CDK6: variants seen among roughly 807,000 people sequenced by gnomAD.
The protein encoded by CDK6 is cyclin-dependent kinase 6.
In CDK6, 6 loss-of-function variants were observed where a neutral mutation model predicts 37.1. The ratio of observed to expected loss-of-function variants is 0.16; its 90% CI spans 0.09 to 0.32. The LOEUF (loss-of-function observed/expected upper bound fraction) is 0.32. CDK6 is among the 10% of genes least tolerant of loss of function. The probability of loss-of-function intolerance (pLI) is 1.00; values close to 1 mark genes in which losing one functional copy is unlikely to be tolerated. For synonymous variants in CDK6, 160 were observed against 161.3 expected (o/e 0.99, Z 0.06); for missense variants, 224 against 418.9 (o/e 0.53, Z 4.06).
At position 92,703,156 on chromosome 7, in the gene CDK6, A is replaced by C. The variant is rs539647040; in HGVS notation, c.537+22470T>G. Among the ~76,000 whole-genome samples, 6 of 152,196 alleles carry C rather than the reference A, an allele frequency of 3.9e-5. No homozygotes were observed. In the South Asian group the frequency reaches 1.2e-3, roughly 32 times the overall value. On this transcript the variant is annotated intron_variant, in intron 4 of 7. Transcript: ENST00000424848. ...TCTCAAAAATGCCCATGGTCACTCC[A>C]TTGCCACCTGACACGAGAACTGTGA...
At chr7:92,726,352 T>A (rs1460068358) in intron 3 of CDK6, among the ~76,000 whole-genome samples, 3 of 152,194 alleles carry the variant, frequency 2.0e-5, no homozygotes, top group Non-Finnish European at 4.4e-5. Context: ...GTCAAGAAAC[T>A]GATACACAGA....
intron 5 of CDK6, among the ~76,000 whole-genome samples, chr7:92,644,894 C>T (rs1055646499): frequency 6.6e-6 from 1 of 152,190 alleles, no homozygotes; most frequent in African/African-American, 2.4e-5. Flanking sequence ...TGTGAGGCCA[C>T]AGGGTCAGAT....
In CDK6 at chr7:92,607,283, C is replaced by CA. The variant is rs1415714360; in HGVS notation, c.*7856dup. The CA allele has an allele frequency of 4.3e-6, 1 of 233,622 alleles. No individual in the cohort carries two copies. Among genetic ancestry groups the CA allele is most frequent in the African/African-American group, 2.2e-5 (1 of 45,342 alleles). The allele number at this position is 233,622 out of a possible 1,614,324, so 14.5% of individuals were successfully genotyped here. On this transcript the variant is annotated 3_prime_UTR_variant, in exon 8 of 8. Coordinates refer to ENST00000424848, the MANE Select transcript of CDK6 (RefSeq NM_001145306.2). ...CAGACAAGAGGAGGCACCACCCAGG[C>CA]ACTGGTCTCTGCCTGGCATCTATTC...
chr7:92,706,259 C>G (rs183814544), intron 4 of CDK6, among the ~76,000 whole-genome samples: 1 of 152,160 alleles, frequency 6.6e-6, no homozygotes, highest in Non-Finnish European at 1.5e-5. Context: ...TTTTGGCCAG[C>G]GTGGTGGCTC....
At chr7:92,816,946 C>CA (rs976451158) in intron 2 of CDK6, among the ~76,000 whole-genome samples, 2 of 151,546 alleles carry the variant, frequency 1.3e-5, no homozygotes, top group African/African-American at 2.4e-5. Context: ...ACCACCCCCC[C>CA]AAAAAAACCC....
At position 92,728,769 on chromosome 7, in the gene CDK6, T is replaced by C. The variant is rs1335668811; in HGVS notation, c.370-2976A>G. 2.0e-5 allele frequency among the ~76,000 whole-genome samples: 3 copies of C among 152,358 alleles called. No individual in the cohort carries two copies. In the East Asian group the frequency reaches 5.8e-4, roughly 29 times the overall value. The stretch of plus-strand genomic sequence containing the variant: ...ATTTTATTAGGCTACTTAAATTTTT[T>C]TTTTGTTTAGCAAATGGCTTTTCTT... On this transcript the variant is annotated intron_variant, in intron 3 of 7. Transcript: ENST00000424848.
In CDK6 at chr7:92,614,579, G is replaced by C. The variant is rs952764098; in HGVS notation, c.*561C>G. On this transcript the variant is annotated 3_prime_UTR_variant, in exon 8 of 8. Transcript: ENST00000424848. ...TCTAATTTGAGAAGACTATTTTGGT[G>C]AATCACCTTCAGTGAACAAATGCCT... 5.6e-5 allele frequency: 13 copies of C among 233,622 alleles called. No individual in the cohort carries two copies. Among genetic ancestry groups the C allele is most frequent in the Non-Finnish European group, 8.5e-6 (1 of 118,140 alleles). The allele number at this position is 233,622 out of a possible 1,614,324, so 14.5% of individuals were successfully genotyped here.
Position 92,668,682 on chromosome 7 carries a change from A to T in CDK6, c.647+2744T>A, listed in dbSNP as rs965734314. ...TGCTTTAAGAGCCTATGGCTTGTGA[A>T]GTCTCAACTGGGTCAATACTGAATC... On this transcript the variant is annotated intron_variant, in intron 5 of 7. Coordinates refer to ENST00000424848, the MANE Select transcript of CDK6 (RefSeq NM_001145306.2). Among the ~76,000 whole-genome samples, 3 of 152,208 alleles carry T rather than the reference A, an allele frequency of 2.0e-5. No individual in the cohort carries two copies. The South Asian group carries it at 6.2e-4, about 31-fold the overall frequency.
At chr7:92,652,369 A>G (rs1273602557) in intron 5 of CDK6, among the ~76,000 whole-genome samples, 1 of 152,058 alleles carries the variant, frequency 6.6e-6, no homozygotes, top group African/African-American at 2.4e-5. Context: ...TATCTCATTC[A>G]TCTCCCTTTC....
At chr7:92,770,227 A>G (rs1465147531) in intron 3 of CDK6, among the ~76,000 whole-genome samples, 1 of 152,158 alleles carries the variant, frequency 6.6e-6, no homozygotes, top group Non-Finnish European at 1.5e-5. Flanking sequence ...ATTGTCAACC[A>G]AGAATGGATG....
intron 3 of CDK6, among the ~76,000 whole-genome samples, chr7:92,726,121 G>A (rs895112811): frequency 2.0e-5 from 3 of 152,122 alleles, no homozygotes; most frequent in Admixed American, 1.3e-4. Flanking sequence ...GGAGGAGGTC[G>A]TGAGGGGACA....
chr7:92,607,425 C>A lies in CDK6; in HGVS notation c.*7715G>T. On this transcript the variant is annotated 3_prime_UTR_variant, in exon 8 of 8. Coordinates refer to ENST00000424848, the MANE Select transcript of CDK6 (RefSeq NM_001145306.2). ...CTATATGCATATTTAATAAAAACAA[C>A]TACAAAGTCCTTTACTTTAATTCCT... 1 of 232,984 alleles carries A rather than the reference C, an allele frequency of 4.3e-6. No individual in the cohort carries two copies. Among genetic ancestry groups the A allele is most frequent in the Non-Finnish European group, 8.5e-6 (1 of 117,912 alleles). 14.4% of individuals were successfully genotyped at this position (232,984 alleles called of 1,614,324 possible).
At chr7:92,734,302 C>T (rs1162550749) in intron 3 of CDK6, among the ~76,000 whole-genome samples, 1 of 152,160 alleles carries the variant, frequency 6.6e-6, no homozygotes, top group Non-Finnish European at 1.5e-5. Context: ...CTAGCCTTTC[C>T]CCACTGATCT....
At chr7:92,726,190 A>G (rs1798508362) in intron 3 of CDK6, among the ~76,000 whole-genome samples, 1 of 152,104 alleles carries the variant, frequency 6.6e-6, no homozygotes, top group Admixed American at 6.6e-5. Flanking sequence ...AGTGAATAAT[A>G]ATATTGTTAT....
At chr7:92,617,079 A>T (rs1380198063) in intron 7 of CDK6, among the ~76,000 whole-genome samples, 1 of 152,228 alleles carries the variant, frequency 6.6e-6, no homozygotes, top group Non-Finnish European at 1.5e-5. Flanking sequence ...CAAGAGTTGG[A>T]TACTATGGTA....
intron 3 of CDK6, among the ~76,000 whole-genome samples, chr7:92,733,460 G>A (rs1454287079): frequency 6.6e-6 from 1 of 152,108 alleles, no homozygotes; most frequent in Non-Finnish European, 1.5e-5. Flanking sequence ...TCATGCAGAT[G>A]GTTAGTCTCT....
intron 3 of CDK6, among the ~76,000 whole-genome samples, chr7:92,754,531 C>A (rs572556635): frequency 5.9e-5 from 9 of 152,310 alleles, no homozygotes; most frequent in African/African-American, 2.2e-4. Context: ...TAATTTCACA[C>A]AGGACCATCT....
chr7:92,730,475 T>C (rs1798617596), intron 3 of CDK6, among the ~76,000 whole-genome samples: 1 of 152,170 alleles, frequency 6.6e-6, no homozygotes, highest in Admixed American at 6.5e-5. Flanking sequence ...GGGTTACGAT[T>C]ATAGCAACAG....
intron 2 of CDK6, among the ~76,000 whole-genome samples, chr7:92,793,369 C>T (rs1800328580): frequency 6.6e-6 from 1 of 152,156 alleles, no homozygotes; most frequent in African/African-American, 2.4e-5. Flanking sequence ...AGCTGTAGTA[C>T]CTAAGACAGT....
Sources: allele counts gnomAD v4.1 joint callset (sites outside exome capture counted in the v4.1 genomes callset), GRCh38; gene constraint gnomAD v4.1.1; transcripts MANE v1.5; gene names NCBI Gene and HGNC (gene_info 2026-07-23, HGNC 2026-07-21).